STS: variants seen among roughly 807,000 people sequenced by gnomAD.
STS encodes the protein steroid sulfatase, also known as steryl-sulfatase.
Under a neutral mutation model 26.8 loss-of-function variants are expected in STS, and 7 were observed. That is an observed-to-expected ratio of 0.26 (90% CI 0.15 to 0.49). The LOEUF (loss-of-function observed/expected upper bound fraction) is 0.49, where lower values mean the gene tolerates loss of function less well. Among genes scored for constraint, STS ranks in the 20% least tolerant of loss-of-function variants. The pLI, the probability that STS is intolerant of heterozygous loss-of-function variation, is 0.98. For synonymous variants in STS, 199 were observed against 189.4 expected (o/e 1.05, Z -0.42); for missense variants, 434 against 465.6 (o/e 0.93, Z 0.63).
At chrX:7,323,499 A>G (rs1351148107) in intron 8 of STS, among the ~76,000 whole-genome samples, 1 of 111,471 alleles carries the variant, frequency 9.0e-6, no homozygotes, top group South Asian at 3.8e-4. Context: ...TCCTGCATTA[A>G]TTCACTTAGG....
intron 2 of STS, among the ~76,000 whole-genome samples, chrX:7,205,347 T>C (rs761892168): frequency 8.9e-6 from 1 of 112,079 alleles, no homozygotes; most frequent in Non-Finnish European, 1.9e-5. Context: ...GTGACAACTC[T>C]ATGCTGTGGT....
intron 1 of STS, among the ~76,000 whole-genome samples, chrX:7,169,723 G>T (rs1429324606): frequency 8.9e-6 from 1 of 112,230 alleles, no homozygotes; most frequent in Non-Finnish European, 1.9e-5. Context: ...GTGTTGAGGA[G>T]AAAATAGGTT....
chrX:7,227,885 T>A (rs759102219), intron 2 of STS, among the ~76,000 whole-genome samples: 1 of 111,176 alleles, frequency 9.0e-6, no homozygotes, highest in Non-Finnish European at 1.9e-5. Flanking sequence ...TCCCTTCCCC[T>A]ATCCCCTGGA....
rs376655549 is a variant in STS, at chrX:7,257,234, T to A, written c.138-8T>A. 1 of 1,209,416 alleles carries A rather than the reference T, an allele frequency of 8.3e-7. No homozygotes were observed. The highest frequency in any genetic ancestry group is 1.1e-6 in the Non-Finnish European group (1 of 894,981). ...ATGATCACAAATGCTATGATTCTTTTGTTCTAGGACTCCCAATATCGACCG... is the reference window on the plus strand; with the variant it reads ...ATGATCACAAATGCTATGATTCTTTAGTTCTAGGACTCCCAATATCGACCG... On this transcript the variant is annotated splice_polypyrimidine_tract_variant and splice_region_variant and intron_variant, in intron 3 of 10. Coordinates refer to ENST00000674429, the MANE Select transcript of STS (RefSeq NM_001320752.2).
chrX:7,210,157 G>A (rs765886155), intron 2 of STS, among the ~76,000 whole-genome samples: 3 of 111,083 alleles, frequency 2.7e-5, no homozygotes, highest in Non-Finnish European at 5.7e-5. Context: ...GGATTACTGG[G>A]TCAAATCGCA....
At chrX:7,231,133 G>A (rs1430811443) in intron 2 of STS, among the ~76,000 whole-genome samples, 1 of 111,897 alleles carries the variant, frequency 8.9e-6, no homozygotes, top group Admixed American at 9.5e-5. Context: ...GAAATGTCCA[G>A]AATAGGCAGA....
intron 7 of STS, among the ~76,000 whole-genome samples, chrX:7,290,218 C>T (rs781048395): frequency 6.3e-5 from 7 of 111,414 alleles, no homozygotes; most frequent in Non-Finnish European, 1.3e-4. Context: ...TTTTCAAAAA[C>T]CAAAAGGCCC....
In STS at chrX:7,259,647, C is replaced by T; in HGVS notation, c.681C>T (p.Gly227=). 8.3e-7 allele frequency: 1 copy of T among 1,211,285 alleles called. No individual in the cohort carries two copies. The highest frequency in any genetic ancestry group is 1.1e-6 in the Non-Finnish European group (1 of 895,372). ...CCCTAATCCTGACCCTTTTCTTGGG[C>T]TTCCTTCATTACTTCCGGCCCCTGA... ...LAALILTLFL[G]FLHYFRPLNC... Residue 227 remains glycine, a synonymous_variant, in exon 6 of 11, where the codon GGC becomes GGT. Transcript: ENST00000674429.
At chrX:7,298,800 T>C (rs1468767871) in intron 7 of STS, among the ~76,000 whole-genome samples, 2 of 108,325 alleles carry the variant, frequency 1.8e-5, no homozygotes, top group African/African-American at 3.4e-5. Context: ...GATGTAGGAG[T>C]AACTTGCTCA....
At chrX:7,227,180 A>G (rs1265175007) in intron 2 of STS, among the ~76,000 whole-genome samples, 1 of 111,546 alleles carries the variant, frequency 9.0e-6, no homozygotes, top group Non-Finnish European at 1.9e-5. Flanking sequence ...CATATTCTGG[A>G]TATAAATCCT....
At chrX:7,161,031 C>A (rs754204988) in intron 1 of STS, among the ~76,000 whole-genome samples, 2 of 111,613 alleles carry the variant, frequency 1.8e-5, no homozygotes, top group South Asian at 7.7e-4. Context: ...TCTCAGCTTA[C>A]CACAACCTCC....
chrX:7,182,205 T>A (rs1348315458), intron 1 of STS, among the ~76,000 whole-genome samples: 1 of 111,793 alleles, frequency 8.9e-6, no homozygotes. Flanking sequence ...TACTAATTCA[T>A]CCCACAGTGG....
chrX:7,336,526 C>CA (rs1463345666), intron 10 of STS, among the ~76,000 whole-genome samples: 1 of 111,650 alleles, frequency 9.0e-6, no homozygotes, highest in African/African-American at 3.2e-5. Context: ...TTCTAGAAGA[C>CA]AAAAAAACAA....
intron 7 of STS, among the ~76,000 whole-genome samples, chrX:7,294,029 GGAGAGCCAAAAAAA>G (rs1374290610): frequency 9.0e-6 from 1 of 111,191 alleles, no homozygotes; most frequent in Admixed American, 9.6e-5. Context: ...AGGTAGGCCT[GGAGAGCCAAAAAAA>G]ACTTTTAACT....
chrX:7,349,763 G>A (rs1928703873), intron 10 of STS, 125 bp from the exon 11 acceptor site: 2 of 969,334 alleles, frequency 2.1e-6, no homozygotes, highest in African/African-American at 1.9e-5. Context: ...CATTGTGTCT[G>A]CAGCCTTATG....
intron 1 of STS, among the ~76,000 whole-genome samples, chrX:7,151,862 A>T (rs1192909119): frequency 8.9e-6 from 1 of 111,827 alleles, no homozygotes; most frequent in African/African-American, 3.3e-5. Flanking sequence ...CAGGGCATCC[A>T]ATGGTCTAGA....
At chrX:7,154,508 C>G (rs1462021019) in intron 1 of STS, among the ~76,000 whole-genome samples, 3 of 112,166 alleles carry the variant, frequency 2.7e-5, no homozygotes, top group African/African-American at 9.7e-5. Context: ...ACTTCATTGA[C>G]TCGGCAACTT....
chrX:7,159,492 C>T (rs901698161), intron 1 of STS, among the ~76,000 whole-genome samples: 1 of 112,096 alleles, frequency 8.9e-6, no homozygotes, highest in Non-Finnish European at 1.9e-5. Flanking sequence ...TGTTGTTCAT[C>T]GAAAAAATAA....
At chrX:7,243,888 A>T (rs1922739197) in intron 2 of STS, among the ~76,000 whole-genome samples, 1 of 111,380 alleles carries the variant, frequency 9.0e-6, no homozygotes, top group Non-Finnish European at 1.9e-5. Flanking sequence ...ACATGGCGAA[A>T]CACCATTTCT....
Sources: gnomAD v4.1 joint callset for allele counts (sites outside exome capture counted in the v4.1 genomes callset) on GRCh38, gnomAD v4.1.1 for gene constraint, MANE v1.5 for transcripts, NCBI Gene and HGNC (gene_info 2026-07-23, HGNC 2026-07-21) for gene names.